CDH18: variants seen among roughly 807,000 people sequenced by gnomAD.
CDH18 encodes cadherin 18, also known as cadherin-18.
A neutral mutation model predicts 67.9 loss-of-function variants in CDH18; 31 were observed. The observed-to-expected ratio is 0.46, with a 90% CI of 0.34 to 0.62. CDH18 has a LOEUF of 0.62. Ranked by LOEUF, CDH18 falls within the 20% of genes least tolerant of loss-of-function variation. The pLI is 0.01. For synonymous variants in CDH18, 362 were observed against 347.2 expected (o/e 1.04, Z -0.48); for missense variants, 890 against 975.5 (o/e 0.91, Z 1.17).
chr5:20,086,059 A>C (rs1744922794), intron 2 of CDH18, among the ~76,000 whole-genome samples: 1 of 152,208 alleles, frequency 6.6e-6, no homozygotes, highest in African/African-American at 2.4e-5. Flanking sequence ...ATACAAAGGA[A>C]AGGGCCTTGA....
intron 2 of CDH18, among the ~76,000 whole-genome samples, chr5:20,193,218 A>G (rs966845055): frequency 1.3e-5 from 2 of 152,146 alleles, no homozygotes; most frequent in Non-Finnish European, 2.9e-5. Flanking sequence ...AAGAGAGAAT[A>G]ATCAAATAAA....
rs557189893 is a variant in CDH18 at position 20,135,133 on chromosome 5, T to C, written c.-518+120311A>G. Among the ~76,000 whole-genome samples the C allele has an allele frequency of 2.2e-4, 33 of 152,278 alleles. 1 individual carries two copies. The South Asian group carries it at 6.4e-3, about 30-fold the overall frequency. On this transcript the variant is annotated intron_variant, in intron 2 of 14. Transcript: ENST00000507958. ...GTAAAATAGCTGACCCTAGAGACTA[T>C]GCCTTGCTTATGATGAATGCTGTGA...
intron 2 of CDH18, among the ~76,000 whole-genome samples, chr5:20,235,890 A>G (rs1201733598): frequency 1.3e-5 from 2 of 152,214 alleles, no homozygotes; most frequent in Non-Finnish European, 2.9e-5. Flanking sequence ...AAAATATGGT[A>G]CATATACATG....
At chr5:20,442,390 A>G (rs981431916) in intron 1 of CDH18, among the ~76,000 whole-genome samples, 3 of 151,998 alleles carry the variant, frequency 2.0e-5, no homozygotes, top group African/African-American at 7.3e-5. Flanking sequence ...CAAATACCTT[A>G]TATAATATAA....
chr5:19,873,036 C>T (rs1786500072), intron 2 of CDH18, among the ~76,000 whole-genome samples: 1 of 152,072 alleles, frequency 6.6e-6, no homozygotes. Flanking sequence ...TGGTCTGGGA[C>T]TCAAAGTAAG....
rs150870512 is a variant in CDH18 at position 20,436,920 on chromosome 5, A to C, written c.-580+138542T>G. 9.6e-4 allele frequency among the ~76,000 whole-genome samples: 146 copies of C among 151,820 alleles called. 2 individuals are homozygous for C. The highest frequency in any genetic ancestry group is 3.3e-3 in the African/African-American group (136 of 41,538). On this transcript the variant is annotated intron_variant, in intron 1 of 14. Coordinates refer to the CDH18 transcript ENST00000507958. ...TGAGGAACATTTAGATTTGAGTTAC[A>C]AATAATAACTCCAGTGAATTCTAAT... is the stretch of plus-strand genomic sequence containing the variant.
At position 20,381,486 on chromosome 5, in the gene CDH18, G is replaced by T. The variant is rs1743903628; in HGVS notation, c.-579-125981C>A. 2.0e-5 allele frequency among the ~76,000 whole-genome samples: 3 copies of T among 151,990 alleles called. No individual in the cohort carries two copies. The South Asian group carries it at 6.2e-4, about 32-fold the overall frequency. On this transcript the variant is annotated intron_variant, in intron 1 of 14. Transcript: ENST00000507958. ...CCCACCTGCATGGTTGTCTCAAGGG[G>T]TCCCACTTTTAGCCTCCTCATCCAC...
chr5:20,341,875 T>C (rs1740295630), intron 1 of CDH18, among the ~76,000 whole-genome samples: 1 of 152,100 alleles, frequency 6.6e-6, no homozygotes, highest in African/African-American at 2.4e-5. Flanking sequence ...GCAAGGAGTT[T>C]AGTGACTCTA....
intron 8 of CDH18, among the ~76,000 whole-genome samples, chr5:19,559,004 TTC>T (rs1431050365): frequency 6.6e-6 from 1 of 152,084 alleles, no homozygotes; most frequent in African/African-American, 2.4e-5. Context: ...TAGCCTAGAG[TTC>T]TCTTTTGTAT....
chr5:20,334,466 G>A (rs1580778809), intron 1 of CDH18, among the ~76,000 whole-genome samples: 1 of 152,106 alleles, frequency 6.6e-6, no homozygotes, highest in East Asian at 1.9e-4. Flanking sequence ...GCACTGGAAA[G>A]ACTAATAATG....
chr5:19,596,665 C>A (rs1006138714), intron 6 of CDH18, among the ~76,000 whole-genome samples: 1 of 152,150 alleles, frequency 6.6e-6, no homozygotes, highest in Non-Finnish European at 1.5e-5. Context: ...AAAAGACTCA[C>A]GGCCCAGAAA....
At chr5:19,852,709 C>T (rs1783844467) in intron 2 of CDH18, among the ~76,000 whole-genome samples, 1 of 151,954 alleles carries the variant, frequency 6.6e-6, no homozygotes, top group African/African-American at 2.4e-5. Flanking sequence ...TCACTGAAAA[C>T]TTATTGAGTT....
intron 1 of CDH18, among the ~76,000 whole-genome samples, chr5:20,385,091 C>T (rs953003919): frequency 6.6e-6 from 1 of 152,122 alleles, no homozygotes; most frequent in African/African-American, 2.4e-5. Context: ...CCCACTTTGG[C>T]CACCCAAAGT....
At chr5:20,501,138 T>C (rs1331397823) in intron 1 of CDH18, among the ~76,000 whole-genome samples, 2 of 152,078 alleles carry the variant, frequency 1.3e-5, no homozygotes, top group African/African-American at 2.4e-5. Flanking sequence ...GTGACTTTAC[T>C]TCCCTTATAT....
rs143414398 is a variant in CDH18, at chr5:19,567,481, G to T, written c.1253+4098C>A. On this transcript the variant is annotated intron_variant, in intron 8 of 12. Coordinates refer to ENST00000382275, the MANE Select transcript of CDH18 (RefSeq NM_004934.5). ...AGTTGATTGCATTTCAGGGCACATT[G>T]CAAAGTACATCTTTTCAATGTGCTT... 1.7e-3 allele frequency among the ~76,000 whole-genome samples: 252 copies of T among 152,214 alleles called. 1 individual carries two copies. Among genetic ancestry groups the T allele is most frequent in the African/African-American group, 5.7e-3 (238 of 41,544 alleles).
rs189183403 is a variant in CDH18, at chr5:19,878,612, T to G, written c.-256-39370A>C. ...TAGATAGTTTCTATCCATTCTCTCA[T>G]TCTCTCATTTAAGGCTTACAATTAT... is the stretch of plus-strand genomic sequence containing the variant. On this transcript the variant is annotated intron_variant, in intron 2 of 12. Transcript: ENST00000382275. 1.8e-3 allele frequency among the ~76,000 whole-genome samples: 278 copies of G among 152,140 alleles called. 1 individual carries two copies. Among genetic ancestry groups the G allele is most frequent in the African/African-American group, 6.4e-3 (266 of 41,550 alleles).
chr5:19,619,520 C>G (rs760774206), intron 5 of CDH18, among the ~76,000 whole-genome samples: 2 of 152,024 alleles, frequency 1.3e-5, no homozygotes, highest in Non-Finnish European at 2.9e-5. Context: ...GGCTTGGGGT[C>G]TGGAATATGC....
chr5:20,333,555 ATG>A (rs1391052701), intron 1 of CDH18, among the ~76,000 whole-genome samples: 1 of 148,196 alleles, frequency 6.7e-6, no homozygotes, highest in Non-Finnish European at 1.5e-5. Flanking sequence ...ACACACATAT[ATG>A]TATATATATA....
intron 2 of CDH18, among the ~76,000 whole-genome samples, chr5:20,225,327 T>C (rs990474803): frequency 1.3e-5 from 2 of 152,156 alleles, no homozygotes; most frequent in Non-Finnish European, 2.9e-5. Context: ...TTTATGCCTA[T>C]ACAAAATCCC....
Sources: gnomAD v4.1 joint callset for allele counts (sites outside exome capture counted in the v4.1 genomes callset) on GRCh38, gnomAD v4.1.1 for gene constraint, MANE v1.5 for transcripts, NCBI Gene and HGNC (gene_info 2026-07-23, HGNC 2026-07-21) for gene names.